SORCS1: variants seen among roughly 807,000 people sequenced by gnomAD.
SORCS1 encodes the protein sortilin related VPS10 domain containing receptor 1.
SORCS1 carries 60 observed loss-of-function variants against 146.1 expected under a neutral mutation model. The observed-to-expected ratio is 0.41, with a 90% CI of 0.33 to 0.51. The LOEUF is 0.51. Ranked by LOEUF, SORCS1 falls within the 20% of genes least tolerant of loss-of-function variation. SORCS1 has a pLI of 0.21. For synonymous variants in SORCS1, 637 were observed against 584.0 expected (o/e 1.09, Z -1.31); for missense variants, 1,352 against 1,487.6 (o/e 0.91, Z 1.50).
chr10:106,796,677 G>A (rs954330521), intron 3 of SORCS1, among the ~76,000 whole-genome samples: 1 of 152,194 alleles, frequency 6.6e-6, no homozygotes, highest in African/African-American at 2.4e-5. Context: ...GGGAGAAAGA[G>A]AGCGAGCAGA....
intron 3 of SORCS1, among the ~76,000 whole-genome samples, chr10:106,800,513 CTTTTTTTTTTTTTT>C: frequency 1.1e-5 from 1 of 89,072 alleles, no homozygotes; most frequent in Admixed American, 1.2e-4. Context: ...CTAGGTGAAT[CTTTTTTTTTTTTTT>C]TTTTTTTTTT....
intron 1 of SORCS1, among the ~76,000 whole-genome samples, chr10:107,078,315 A>T (rs1295220473): frequency 1.3e-5 from 2 of 152,190 alleles, no homozygotes; most frequent in African/African-American, 4.8e-5. Context: ...AAAATAAAAT[A>T]AAAAAGATTA....
chr10:107,006,676 A>G (rs10884398), intron 1 of SORCS1, among the ~76,000 whole-genome samples: 22,766 of 152,072 alleles, frequency 0.15, 5,589 homozygotes, highest in African/African-American at 0.51. Flanking sequence ...AATTAGCCGG[A>G]TGTGGTGGCG....
At position 107,013,327 on chromosome 10, in the gene SORCS1, G is replaced by A. The variant is rs1009639183; in HGVS notation, c.559-56747C>T. Among the ~76,000 whole-genome samples the A allele has an allele frequency of 9.9e-5, 15 of 152,136 alleles. No individual in the cohort carries two copies. The East Asian group carries it at 2.7e-3, about 28-fold the overall frequency. On this transcript the variant is annotated intron_variant, in intron 1 of 25. Coordinates refer to ENST00000263054, the MANE Select transcript of SORCS1 (RefSeq NM_052918.5). ...AAATTCAGCAAGAAACCTTGCAGAAGTTAAAATAAATGGCGTGGAAAGGTT... is the reference window on the plus strand; with the variant it reads ...AAATTCAGCAAGAAACCTTGCAGAAATTAAAATAAATGGCGTGGAAAGGTT...
At chr10:106,910,073 T>C (rs1449280523) in intron 2 of SORCS1, among the ~76,000 whole-genome samples, 1 of 152,204 alleles carries the variant, frequency 6.6e-6, no homozygotes, top group Non-Finnish European at 1.5e-5. Context: ...TATCTAAATA[T>C]ATAATGCAAA....
chr10:106,875,341 G>A (rs548411469), intron 2 of SORCS1, among the ~76,000 whole-genome samples: 16 of 152,106 alleles, frequency 1.1e-4, no homozygotes, highest in Non-Finnish European at 2.1e-4. Context: ...TATATACCAC[G>A]TTTTCTTTAT....
chr10:107,175,416 T>C, the SORCS1 span, among the ~76,000 whole-genome samples: 2 of 152,154 alleles, frequency 1.3e-5, no homozygotes, highest in Non-Finnish European at 2.9e-5. Context: ...TATTTACTAT[T>C]TATCAACCTA....
intron 1 of SORCS1, among the ~76,000 whole-genome samples, chr10:107,143,790 C>A (rs1188747228): frequency 6.6e-6 from 1 of 152,074 alleles, no homozygotes; most frequent in Admixed American, 6.6e-5. Flanking sequence ...GGGTGTGAGC[C>A]ACCACGCCCG....
chr10:106,724,814 C>G (rs752590557), intron 6 of SORCS1, among the ~76,000 whole-genome samples: 1 of 152,194 alleles, frequency 6.6e-6, no homozygotes, highest in Non-Finnish European at 1.5e-5. Context: ...TGTGAACACA[C>G]TAAAATCAGA....
At chr10:106,948,856 G>A (rs1954512122) in intron 2 of SORCS1, among the ~76,000 whole-genome samples, 1 of 152,024 alleles carries the variant, frequency 6.6e-6, no homozygotes, top group Non-Finnish European at 1.5e-5. Flanking sequence ...AGCTACTCTG[G>A]AGGCTGAGGC....
chr10:107,072,619 A>G (rs1298045524), intron 1 of SORCS1, among the ~76,000 whole-genome samples: 2 of 151,950 alleles, frequency 1.3e-5, no homozygotes, highest in Non-Finnish European at 1.5e-5. Context: ...ATATATATAT[A>G]CACACATATA....
At chr10:106,948,810 A>T (rs1954508623) in intron 2 of SORCS1, among the ~76,000 whole-genome samples, 2 of 151,998 alleles carry the variant, frequency 1.3e-5, no homozygotes, top group African/African-American at 4.8e-5. Flanking sequence ...ATACAAAAAA[A>T]ATTAGCTGGG....
chr10:106,761,687 A>C (rs1287363910), intron 4 of SORCS1, 26 bp from the exon 5 acceptor site: 2 of 1,596,514 alleles, frequency 1.3e-6, no homozygotes, highest in South Asian at 1.1e-5. Flanking sequence ...ATTACTCAGC[A>C]CTATGGTTCT....
intron 2 of SORCS1, among the ~76,000 whole-genome samples, chr10:106,914,870 C>T (rs1261460033): frequency 6.6e-6 from 1 of 152,170 alleles, no homozygotes; most frequent in Admixed American, 6.5e-5. Flanking sequence ...CTCCCTTCAA[C>T]ACATGCTCAA....
At chr10:107,157,278 T>A (rs896471003) in intron 1 of SORCS1, among the ~76,000 whole-genome samples, 4 of 151,066 alleles carry the variant, frequency 2.6e-5, no homozygotes, top group African/African-American at 9.8e-5. Context: ...AAGGCTAGGG[T>A]GCAGCTGTGT....
chr10:107,002,341 G>GGAAT (rs1290572696), intron 1 of SORCS1, among the ~76,000 whole-genome samples: 1 of 152,150 alleles, frequency 6.6e-6, no homozygotes, highest in African/African-American at 2.4e-5. Context: ...AAATAATTAT[G>GGAAT]GAATGAGTGA....
At chr10:106,676,967 C>T (rs1852074818) in intron 13 of SORCS1, among the ~76,000 whole-genome samples, 1 of 152,136 alleles carries the variant, frequency 6.6e-6, no homozygotes, top group Non-Finnish European at 1.5e-5. Flanking sequence ...CTTCCTCTTC[C>T]TCACCTCCTC....
chr10:106,865,643 G>C (rs1376968633), intron 2 of SORCS1, among the ~76,000 whole-genome samples: 1 of 151,376 alleles, frequency 6.6e-6, no homozygotes, highest in Non-Finnish European at 1.5e-5. Flanking sequence ...GAGAACGCTT[G>C]AACCTGGGAG....
rs549024709 is a variant in SORCS1 at position 107,011,377 on chromosome 10, A to C, written c.559-54797T>G. ...TTAAACTCATCAAGAGCAGATGATAAGAAACACGACCTTCCACATAAAAGG... is the reference window on the plus strand; with the variant it reads ...TTAAACTCATCAAGAGCAGATGATACGAAACACGACCTTCCACATAAAAGG... On this transcript the variant is annotated intron_variant, in intron 1 of 25. Transcript: ENST00000263054. Among the ~76,000 whole-genome samples, 3 of 152,352 alleles carry C rather than the reference A, an allele frequency of 2.0e-5. No homozygotes were observed. The South Asian group carries it at 6.2e-4, about 32-fold the overall frequency.
Sources: gnomAD v4.1 joint callset for allele counts (sites outside exome capture counted in the v4.1 genomes callset) on GRCh38, gnomAD v4.1.1 for gene constraint, MANE v1.5 for transcripts, NCBI Gene and HGNC (gene_info 2026-07-23, HGNC 2026-07-21) for gene names.